DPP6: variants seen among roughly 807,000 people sequenced by gnomAD.
DPP6 encodes A-type potassium channel modulatory protein DPP6.
A neutral mutation model predicts 122.6 loss-of-function variants in DPP6; 69 were observed. The observed-to-expected ratio is 0.56, with a 90% confidence interval of 0.46 to 0.69. DPP6 has a LOEUF of 0.69. Among genes scored for constraint, DPP6 ranks in the 30% least tolerant of loss-of-function variants. The pLI is 0.00. For missense variants in DPP6, 928 were observed against 1,116.9 expected (o/e 0.83, Z 2.41); for synonymous variants, 418 against 433.1 (o/e 0.97, Z 0.43).
chr7:154,192,127 C>A (rs761383041), intron 1 of DPP6, among the ~76,000 whole-genome samples: 4 of 152,190 alleles, frequency 2.6e-5, no homozygotes, highest in Non-Finnish European at 5.9e-5. Context: ...TTTAAAGGCA[C>A]CTTTTAGTTC....
chr7:154,040,770 CTG>C (rs943635220), intron 1 of DPP6, among the ~76,000 whole-genome samples: 3 of 152,122 alleles, frequency 2.0e-5, no homozygotes, highest in Non-Finnish European at 4.4e-5. Context: ...TTTCCTTTAA[CTG>C]TGATTCTTAT....
intron 1 of DPP6, among the ~76,000 whole-genome samples, chr7:154,298,608 G>GA (rs1321586323): frequency 2.0e-5 from 3 of 152,132 alleles, no homozygotes; most frequent in Non-Finnish European, 4.4e-5. Flanking sequence ...TTTAACCAAA[G>GA]AAAAAATCAT....
intron 1 of DPP6, among the ~76,000 whole-genome samples, chr7:154,141,252 G>A (rs1183154069): frequency 6.6e-6 from 1 of 152,186 alleles, no homozygotes; most frequent in African/African-American, 2.4e-5. Flanking sequence ...GTTGCCTTCT[G>A]GCGAATTAAA....
At chr7:154,294,487 G>A (rs569620298) in intron 1 of DPP6, among the ~76,000 whole-genome samples, 8 of 152,316 alleles carry the variant, frequency 5.3e-5, no homozygotes, top group Middle Eastern at 3.4e-3. Context: ...AACAGGGATT[G>A]TATGAACTGA....
intron 6 of DPP6, among the ~76,000 whole-genome samples, chr7:154,656,786 T>C (rs1337825592): frequency 1.7e-5 from 2 of 116,908 alleles, no homozygotes; most frequent in Admixed American, 1.9e-4. Flanking sequence ...TGGGAGGAGG[T>C]ACTCATGTGT....
chr7:153,812,241 A>G, the DPP6 span, among the ~76,000 whole-genome samples: 3 of 152,094 alleles, frequency 2.0e-5, no homozygotes, highest in African/African-American at 7.2e-5. Context: ...GATTCTTCTT[A>G]GGCCTGTGTT....
intron 1 of DPP6, among the ~76,000 whole-genome samples, chr7:154,315,029 C>T (rs1179531110): frequency 6.6e-6 from 1 of 152,108 alleles, no homozygotes; most frequent in African/African-American, 2.4e-5. Context: ...TGAGGTTGTT[C>T]GTAGCAATCT....
At chr7:154,311,370 C>T in intron 1 of DPP6, among the ~76,000 whole-genome samples, 1 of 151,996 alleles carries the variant, frequency 6.6e-6, no homozygotes, top group East Asian at 1.9e-4. Context: ...GTGGCGCATG[C>T]CTGTTGTCCC....
chr7:153,867,510 G>T, the DPP6 span, among the ~76,000 whole-genome samples: 1 of 152,212 alleles, frequency 6.6e-6, no homozygotes, highest in South Asian at 2.1e-4. Context: ...TGTATCCTGA[G>T]ACTTTGCTGA....
In DPP6 at chr7:154,063,209, ACC is replaced by A. The variant is rs760072976; in HGVS notation, c.243+10152_243+10153del. Reference sequence around the variant, plus strand: ...ACCCCCATCGCAGGGTTGGGGAGGCACCCCCCCGCGAGGCAGGGACTGAGAGC... The same window carrying A: ...ACCCCCATCGCAGGGTTGGGGAGGCACCCCCGCGAGGCAGGGACTGAGAGC... On this transcript the variant is annotated intron_variant, in intron 1 of 25. Coordinates refer to ENST00000377770, the MANE Select transcript of DPP6 (RefSeq NM_130797.4). 6.6e-5 allele frequency among the ~76,000 whole-genome samples: 5 copies of A among 75,864 alleles called. 1 individual carries two copies. Among genetic ancestry groups the A allele is most frequent in the Middle Eastern group, 0.011 (1 of 88 alleles). The allele number at this position is 75,864 out of a possible 152,430, so 49.8% of individuals were successfully genotyped here.
chr7:154,223,801 T>C (rs1585671396), intron 1 of DPP6, among the ~76,000 whole-genome samples: 1 of 148,884 alleles, frequency 6.7e-6, no homozygotes, highest in South Asian at 2.1e-4. Flanking sequence ...ACTTCACATT[T>C]GCACACAGGG....
intron 4 of DPP6, among the ~76,000 whole-genome samples, chr7:154,550,057 T>C (rs1000629512): frequency 6.6e-5 from 10 of 152,204 alleles, no homozygotes; most frequent in African/African-American, 4.8e-5. Context: ...ATTATTTAAA[T>C]TGAACATAAC....
chr7:154,023,322 A>ACACG (rs1563109301), intron 1 of DPP6, among the ~76,000 whole-genome samples: 2 of 89,526 alleles, frequency 2.2e-5, no homozygotes, highest in African/African-American at 7.4e-5. Flanking sequence ...TTGTCTGCAC[A>ACACG]CACACACACA....
At chr7:154,179,676 C>A (rs1797977328) in intron 1 of DPP6, among the ~76,000 whole-genome samples, 1 of 152,148 alleles carries the variant, frequency 6.6e-6, no homozygotes, top group Non-Finnish European at 1.5e-5. Flanking sequence ...CTAGGAGTCA[C>A]CAACTTGCTA....
chr7:154,532,195 G>C (rs1827892191), intron 3 of DPP6, among the ~76,000 whole-genome samples: 1 of 151,876 alleles, frequency 6.6e-6, no homozygotes, highest in Non-Finnish European at 1.5e-5. Flanking sequence ...ACAATAAGAT[G>C]GTCAGATAAA....
intron 16 of DPP6, among the ~76,000 whole-genome samples, chr7:154,828,551 C>A (rs1800371026): frequency 6.6e-6 from 1 of 152,120 alleles, no homozygotes; most frequent in Non-Finnish European, 1.5e-5. Context: ...CTAGTTTATT[C>A]TTCTCCATTT....
the DPP6 span, among the ~76,000 whole-genome samples, chr7:153,794,478 C>A: frequency 6.6e-6 from 1 of 152,168 alleles, no homozygotes; most frequent in African/African-American, 2.4e-5. Context: ...AATACTGATA[C>A]CTCCATTGTA....
intron 1 of DPP6, among the ~76,000 whole-genome samples, chr7:154,105,677 T>C (rs1039909439): frequency 2.6e-5 from 4 of 152,126 alleles, no homozygotes; most frequent in African/African-American, 9.7e-5. Flanking sequence ...TGAGAATGAA[T>C]AGGGCTTACA....
chr7:154,674,142 C>T (rs1838746106), intron 7 of DPP6, among the ~76,000 whole-genome samples: 1 of 152,128 alleles, frequency 6.6e-6, no homozygotes, highest in Admixed American at 6.5e-5. Context: ...TCCCAAAGTG[C>T]TGGGATTATA....
Sources: allele counts gnomAD v4.1 joint callset (sites outside exome capture counted in the v4.1 genomes callset), GRCh38; gene constraint gnomAD v4.1.1; transcripts MANE v1.5; gene names NCBI Gene and HGNC (gene_info 2026-07-23, HGNC 2026-07-21).